Variants in SLC4A7 observed in about 807,000 individuals in gnomAD.
The protein encoded by SLC4A7 is sodium bicarbonate cotransporter 3.
Under a neutral mutation model 137.6 loss-of-function variants are expected in SLC4A7, and 51 were observed. The observed-to-expected ratio is 0.37, with a 90% CI of 0.30 to 0.47. The LOEUF (loss-of-function observed/expected upper bound fraction) is 0.47. Ranked by LOEUF, SLC4A7 falls within the 20% of genes least tolerant of loss-of-function variation. The pLI is 1.00. For missense variants in SLC4A7, 1,247 were observed against 1,525.4 expected (o/e 0.82, Z 3.04); for synonymous variants, 542 against 518.6 (o/e 1.05, Z -0.61).
intron 11 of SLC4A7, among the ~76,000 whole-genome samples, chr3:27,414,313 G>A (rs945164666): frequency 6.6e-6 from 1 of 151,928 alleles, no homozygotes; most frequent in Non-Finnish European, 1.5e-5. Flanking sequence ...GTTGACTCTT[G>A]AATAAACAAG....
chr3:27,381,961 C>T (rs576111235), intron 24 of SLC4A7, among the ~76,000 whole-genome samples: 1 of 151,892 alleles, frequency 6.6e-6, no homozygotes, highest in Non-Finnish European at 1.5e-5. Flanking sequence ...TGGTGGCAGG[C>T]GCCTGTAATC....
chr3:27,441,473 G>A (rs1036243895), intron 3 of SLC4A7, among the ~76,000 whole-genome samples: 2 of 152,058 alleles, frequency 1.3e-5, no homozygotes, highest in African/African-American at 4.8e-5. Flanking sequence ...CACATTTAAT[G>A]TCTTTAATCC....
chr3:27,418,311 T>G (rs2054593569), intron 11 of SLC4A7, among the ~76,000 whole-genome samples, 175 bp downstream of exon 11: 1 of 151,940 alleles, frequency 6.6e-6, no homozygotes. Context: ...ATGAAAAGGA[T>G]AAACAAAAAA....
chr3:27,479,864 T>G (rs2059636603), intron 1 of SLC4A7, among the ~76,000 whole-genome samples: 1 of 152,216 alleles, frequency 6.6e-6, no homozygotes, highest in African/African-American at 2.4e-5. Context: ...CCTATGGAAA[T>G]ATCTGTAAGC....
At chr3:27,428,257 T>C (rs1422390472) in intron 7 of SLC4A7, 1 of 154,380 alleles carries the variant, frequency 6.5e-6, no homozygotes, top group Non-Finnish European at 1.5e-5. Context: ...TAGATTTTGT[T>C]GTAAGTGGAC....
intron 1 of SLC4A7, among the ~76,000 whole-genome samples, chr3:27,476,669 G>A (rs370332933): frequency 1.3e-5 from 2 of 152,098 alleles, no homozygotes; most frequent in Admixed American, 6.6e-5. Context: ...GTTTGAGAGT[G>A]TGTAGCCCTT....
intron 11 of SLC4A7, among the ~76,000 whole-genome samples, chr3:27,417,400 C>T (rs541773022): frequency 6.6e-6 from 1 of 152,112 alleles, no homozygotes; most frequent in South Asian, 2.1e-4. Flanking sequence ...GGTGGTGGGG[C>T]AATGAACAAA....
chr3:27,476,032 A>G (rs1017240536), intron 1 of SLC4A7, among the ~76,000 whole-genome samples: 18 of 152,216 alleles, frequency 1.2e-4, no homozygotes, highest in Non-Finnish European at 5.9e-5. Flanking sequence ...ACCAATACAT[A>G]TAACGGCTGA....
intron 3 of SLC4A7, among the ~76,000 whole-genome samples, chr3:27,447,783 C>G (rs1443082670): frequency 1.3e-5 from 2 of 151,706 alleles, no homozygotes; most frequent in African/African-American, 4.8e-5. Flanking sequence ...AACTTCTCTG[C>G]TTTCAAGTAA....
chr3:27,402,437 C>A (rs140115471), intron 15 of SLC4A7, among the ~76,000 whole-genome samples: 2 of 152,086 alleles, frequency 1.3e-5, no homozygotes, highest in East Asian at 1.9e-4. Flanking sequence ...CAGTGGCTCA[C>A]GCCTGTAATC....
intron 23 of SLC4A7, 129 bp from the exon 24 acceptor site, chr3:27,383,379 A>T: frequency 1.5e-6 from 1 of 677,382 alleles, no homozygotes; most frequent in South Asian, 1.7e-5. Flanking sequence ...CATTACTGAA[A>T]AATTTTATAA....
chr3:27,448,898 C>G, intron 2 of SLC4A7, 101 bp from the exon 3 acceptor site: 6 of 759,254 alleles, frequency 7.9e-6, no homozygotes, highest in South Asian at 2.8e-5. Flanking sequence ...AATATAAGTT[C>G]ACGTAATTAA....
At chr3:27,478,849 A>AAG (rs1553723896) in intron 1 of SLC4A7, among the ~76,000 whole-genome samples, 37 of 150,100 alleles carry the variant, frequency 2.5e-4, no homozygotes, top group Admixed American at 4.0e-4. Flanking sequence ...AAAAAAAAAA[A>AAG]AGAGAGAGAG....
intron 1 of SLC4A7, among the ~76,000 whole-genome samples, chr3:27,482,773 A>AAATAAT (rs146284429): frequency 3.3e-5 from 5 of 151,788 alleles, no homozygotes; most frequent in Admixed American, 6.6e-5. Flanking sequence ...CTCTGTCTCA[A>AAATAAT]AATAATAATA....
chr3:27,426,954 A>G (rs148349216), intron 7 of SLC4A7, among the ~76,000 whole-genome samples: 57 of 152,360 alleles, frequency 3.7e-4, no homozygotes, highest in African/African-American at 1.3e-3. Context: ...GGAAAAAAAT[A>G]TATGTATAAG....
intron 13 of SLC4A7, among the ~76,000 whole-genome samples, chr3:27,406,777 A>C (rs1465556496): frequency 1.3e-5 from 2 of 152,030 alleles, no homozygotes; most frequent in East Asian, 3.9e-4. Flanking sequence ...AAAAAAATAC[A>C]AAAAATTAGC....
intron 24 of SLC4A7, among the ~76,000 whole-genome samples, chr3:27,379,789 AGTAT>A (rs1372352495): frequency 1.3e-5 from 2 of 152,232 alleles, no homozygotes; most frequent in Non-Finnish European, 2.9e-5. Flanking sequence ...AAATACTCAA[AGTAT>A]GTAAGGAAAA....
intron 24 of SLC4A7, among the ~76,000 whole-genome samples, 171 bp downstream of exon 24, chr3:27,382,982 G>A (rs1468975626): frequency 6.6e-6 from 1 of 152,202 alleles, no homozygotes; most frequent in Non-Finnish European, 1.5e-5. Context: ...TGGGAAAGGA[G>A]CAAGGGACTT....
At chr3:27,477,665 C>T (rs1439283244) in intron 1 of SLC4A7, among the ~76,000 whole-genome samples, 1 of 152,052 alleles carries the variant, frequency 6.6e-6, no homozygotes, top group Non-Finnish European at 1.5e-5. Flanking sequence ...AATGCAGTGG[C>T]GCGATCTTGG....
Sources: gnomAD v4.1 joint callset for allele counts (sites outside exome capture counted in the v4.1 genomes callset) on GRCh38, gnomAD v4.1.1 for gene constraint, MANE v1.5 for transcripts, NCBI Gene and HGNC (gene_info 2026-07-23, HGNC 2026-07-21) for gene names.